GRID2: variants seen among roughly 807,000 people sequenced by gnomAD.
GRID2 encodes the protein glutamate receptor ionotropic, delta-2.
A neutral mutation model predicts 114.8 loss-of-function variants in GRID2; 33 were observed. That is an observed-to-expected ratio of 0.29 (90% CI 0.22 to 0.38). The LOEUF (loss-of-function observed/expected upper bound fraction) is 0.38, where lower values mean the gene tolerates loss of function less well. Among genes scored for constraint, GRID2 ranks in the 10% least tolerant of loss-of-function variants. The pLI, the probability that GRID2 is intolerant of heterozygous loss-of-function variation, is 1.00. For synonymous variants in GRID2, 505 were observed against 449.9 expected (o/e 1.12, Z -1.55); for missense variants, 1,184 against 1,257.7 (o/e 0.94, Z 0.89).
chr4:93,596,710 A>G (rs1432736759), intron 13 of GRID2, among the ~76,000 whole-genome samples: 3 of 152,238 alleles, frequency 2.0e-5, no homozygotes, highest in Admixed American at 6.5e-5. Context: ...ACAATGCTCA[A>G]TGTTTTGATT....
At chr4:92,402,953 A>C (rs2110284382) in intron 1 of GRID2, among the ~76,000 whole-genome samples, 1 of 152,282 alleles carries the variant, frequency 6.6e-6, no homozygotes, top group Middle Eastern at 3.4e-3. Flanking sequence ...TCTTTAAATG[A>C]TCTTAACCTG....
chr4:93,192,894 G>C (rs1286464504), intron 4 of GRID2, among the ~76,000 whole-genome samples: 3 of 152,154 alleles, frequency 2.0e-5, no homozygotes, highest in South Asian at 4.2e-4. Context: ...TATCTCATGA[G>C]ATAATTATTT....
At chr4:93,073,502 A>G (rs1233861286) in intron 2 of GRID2, among the ~76,000 whole-genome samples, 1 of 152,152 alleles carries the variant, frequency 6.6e-6, no homozygotes, top group Non-Finnish European at 1.5e-5. Flanking sequence ...ACAGTAGGCT[A>G]TTGATCGTTA....
chr4:92,942,686 A>T (rs868491435), intron 2 of GRID2, among the ~76,000 whole-genome samples: 3 of 152,116 alleles, frequency 2.0e-5, no homozygotes, highest in Non-Finnish European at 4.4e-5. Flanking sequence ...ACAATTGTGT[A>T]TGTTTTTGCA....
intron 1 of GRID2, among the ~76,000 whole-genome samples, chr4:92,481,735 T>C (rs901081421): frequency 4.0e-5 from 6 of 151,778 alleles, no homozygotes; most frequent in African/African-American, 1.5e-4. Context: ...TCCAATTATT[T>C]AAAGAATGAT....
At chr4:93,325,199 C>T (rs958911154) in intron 8 of GRID2, among the ~76,000 whole-genome samples, 4 of 152,132 alleles carry the variant, frequency 2.6e-5, no homozygotes, top group African/African-American at 9.7e-5. Context: ...CTTCTACACA[C>T]TGCTTTAAGT....
At chr4:93,545,816 G>C (rs754077568) in intron 13 of GRID2, among the ~76,000 whole-genome samples, 29 of 152,158 alleles carry the variant, frequency 1.9e-4, no homozygotes, top group Non-Finnish European at 3.2e-4. Flanking sequence ...AGAAAAAAGA[G>C]AGAGGAGCTT....
intron 2 of GRID2, among the ~76,000 whole-genome samples, chr4:92,749,276 G>A (rs967594047): frequency 1.4e-5 from 2 of 142,652 alleles, no homozygotes; most frequent in African/African-American, 5.2e-5. Flanking sequence ...GATTACAGCA[G>A]GCATGAGACG....
In GRID2 at chr4:93,518,082, T is replaced by TAC. The variant is rs1553945031; in HGVS notation, c.2193+2678_2193+2679dup. On this transcript the variant is annotated intron_variant, in intron 13 of 15. Transcript: ENST00000282020. Reference sequence around the variant, plus strand: ...TGTATATAGTATATACATATATATATACACACACTATATATGGATATATAT... The same window carrying TAC: ...TGTATATAGTATATACATATATATATACACACACACTATATATGGATATATAT... Among the ~76,000 whole-genome samples the TAC allele has an allele frequency of 9.3e-4, 138 of 147,724 alleles. 5 individuals carry two copies. Among genetic ancestry groups the TAC allele is most frequent in the Middle Eastern group, 3.6e-3 (1 of 280 alleles).
At chr4:93,737,715 A>T (rs1731046690) in intron 14 of GRID2, among the ~76,000 whole-genome samples, 1 of 152,148 alleles carries the variant, frequency 6.6e-6, no homozygotes, top group South Asian at 2.1e-4. Context: ...TCCATCTCTC[A>T]AGAAAATTGA....
chr4:93,216,202 A>G (rs371084643), intron 5 of GRID2, among the ~76,000 whole-genome samples: 10 of 117,620 alleles, frequency 8.5e-5, no homozygotes, highest in Admixed American at 7.5e-4. Context: ...AGAAAAACTT[A>G]TATATCCTCT....
intron 8 of GRID2, among the ~76,000 whole-genome samples, chr4:93,350,288 A>G (rs975330353): frequency 1.3e-5 from 2 of 152,026 alleles, no homozygotes; most frequent in Non-Finnish European, 2.9e-5. Flanking sequence ...TTTCTCCCCA[A>G]TCACTTCAAC....
At chr4:93,441,991 C>T (rs1721663961) in intron 10 of GRID2, among the ~76,000 whole-genome samples, 1 of 151,956 alleles carries the variant, frequency 6.6e-6, no homozygotes, top group Admixed American at 6.6e-5. Flanking sequence ...TTTTATATTT[C>T]ATTTGATACT....
intron 1 of GRID2, among the ~76,000 whole-genome samples, chr4:92,445,715 G>A (rs1733422319): frequency 6.6e-6 from 1 of 152,170 alleles, no homozygotes; most frequent in Non-Finnish European, 1.5e-5. Context: ...CCATCGTGGT[G>A]TGGTTCCCCA....
chr4:93,584,445 CCTTT>C (rs1454242674), intron 13 of GRID2, among the ~76,000 whole-genome samples: 3 of 151,974 alleles, frequency 2.0e-5, no homozygotes, highest in Non-Finnish European at 2.9e-5. Context: ...AAATTTTCTT[CCTTT>C]CTTTATTATA....
Position 93,769,381 on chromosome 4 carries a change from C to A in GRID2, c.2532C>A (p.Leu844=). 5.0e-6 allele frequency: 8 copies of A among 1,613,942 alleles called. No individual in the cohort carries two copies. The highest frequency in any genetic ancestry group is 6.8e-6 in the Non-Finnish European group (8 of 1,179,878). The change falls in exon 15 of 16, where the codon CTC becomes CTA. Residue 844 remains leucine (L), a synonymous_variant. Transcript: ENST00000282020. ...GTATCCTGGCTGCTGGAATTGTCCT[C>A]TCCTGCTTCATAGCCATGCTGGAGA... is the stretch of plus-strand genomic sequence containing the variant. ...VFCILAAGIV[L]SCFIAMLETW...
At chr4:93,540,502 A>G (rs199769217) in intron 13 of GRID2, among the ~76,000 whole-genome samples, 2 of 152,200 alleles carry the variant, frequency 1.3e-5, no homozygotes, top group East Asian at 1.9e-4. Context: ...AGAGAAAAGC[A>G]TACCCCAAGT....
chr4:92,345,314 T>A (rs1313952396), intron 1 of GRID2, among the ~76,000 whole-genome samples: 2 of 152,270 alleles, frequency 1.3e-5, no homozygotes, highest in African/African-American at 4.8e-5. Flanking sequence ...CTGAGTAGTA[T>A]TCCATAGTGT....
intron 8 of GRID2, among the ~76,000 whole-genome samples, chr4:93,366,842 C>T (rs11934180): frequency 0.025 from 3,839 of 151,850 alleles, 171 homozygotes; most frequent in African/African-American, 0.087. Flanking sequence ...GGCAATTCCC[C>T]GATAAAATAT....
Sources: allele counts gnomAD v4.1 joint callset (sites outside exome capture counted in the v4.1 genomes callset), GRCh38; gene constraint gnomAD v4.1.1; transcripts MANE v1.5; gene names NCBI Gene and HGNC (gene_info 2026-07-23, HGNC 2026-07-21).